The following LSG1 variants were observed in gnomAD, a reference collection of about 807,000 sequenced individuals.
The protein encoded by LSG1 is large 60S subunit nuclear export GTPase 1, also known as large subunit GTPase 1 homolog.
In LSG1, 55 loss-of-function variants were observed where a neutral mutation model predicts 82.6. That is an observed-to-expected ratio of 0.67 (90% CI 0.54 to 0.83). The LOEUF (loss-of-function observed/expected upper bound fraction) is 0.83. Among genes scored for constraint, LSG1 ranks in the 40% least tolerant of loss-of-function variants. The pLI is 0.00. For missense variants in LSG1, 809 were observed against 807.9 expected, an observed-to-expected ratio of 1.00 and a Z score of -0.02; for synonymous variants, 272 against 282.5, an observed-to-expected ratio of 0.96 and a Z score of 0.37.
At position 194,652,799 on chromosome 3, in the gene LSG1, T is replaced by C. The variant is rs1718703055; in HGVS notation, c.1103A>G (p.Glu368Gly). Residue 368 changes from glutamate (E) to glycine (G), a missense_variant, in exon 8 of 14, where the codon GAG becomes GGG. Transcript: ENST00000265245. The part of the protein sequence containing the change: ...HNFSHLVSKQ[E>G]LLELFKELHT... The stretch of plus-strand genomic sequence containing the variant: ...TAGCTCCTTAAAGAGCTCCAGTAAC[T>C]CCTGCTTGGATACCAGATGGCTAAA... 1.9e-6 allele frequency: 3 copies of C among 1,614,066 alleles called. No homozygotes were observed. Among genetic ancestry groups the C allele is most frequent in the African/African-American group, 1.3e-5 (1 of 74,918 alleles).
chr3:194,646,214 G>A lies in LSG1; in HGVS notation c.1573C>T (p.Gln525Ter). 1.9e-6 allele frequency: 3 copies of A among 1,614,078 alleles called. No individual in the cohort carries two copies. The highest frequency in any genetic ancestry group is 2.5e-6 in the Non-Finnish European group (3 of 1,179,974). Reference protein sequence around the residue: ...YMRGFMTAHGQPDQPRSARYI... With the variant: ...YMRGFMTAHG ...CGCGCAGATCGAGGCTGGTCTGGCT[G>A]TCCATGCGCTGTCATGAATCCTCGC... Residue 525 changes from glutamine to a stop codon, truncating the protein, a stop_gained, in exon 12 of 14, where the codon CAG becomes TAG. Coordinates refer to ENST00000265245, the MANE Select transcript of LSG1 (RefSeq NM_018385.3). LOFTEE classifies it high-confidence loss of function.
intron 7 of LSG1, 59 bp from the exon 8 acceptor site, chr3:194,653,201 A>G: frequency 1.3e-6 from 2 of 1,514,322 alleles, no homozygotes; most frequent in Non-Finnish European, 1.8e-6. Flanking sequence ...TCTAGTAAAA[A>G]TACTTAATGA....
rs771316080 is a variant in LSG1, at chr3:194,651,154, T to A, written c.1236A>T (p.Val412=). 1 of 1,614,086 alleles carries A rather than the reference T, an allele frequency of 6.2e-7. No homozygotes were observed. Among genetic ancestry groups the A allele is most frequent in the Admixed American group, 1.7e-5 (1 of 60,008 alleles). ...TINTIMGNKK[V]SVSATPGHTK... ...TGTGACCAGGTGTGGCAGACACAGATACTTTCTTGTTGCCCATGATGGTGT... is the reference window on the plus strand; with the variant it reads ...TGTGACCAGGTGTGGCAGACACAGAAACTTTCTTGTTGCCCATGATGGTGT... Residue 412 remains valine, a synonymous_variant, in exon 9 of 14, where the codon GTA becomes GTT. Coordinates refer to ENST00000265245, the MANE Select transcript of LSG1 (RefSeq NM_018385.3).
At chr3:194,654,656 G>T (rs1408537974) in intron 7 of LSG1, among the ~76,000 whole-genome samples, 1 of 152,158 alleles carries the variant, frequency 6.6e-6, no homozygotes, top group African/African-American at 2.4e-5. Context: ...AAATATGAAA[G>T]TAGCATAAAA....
intron 11 of LSG1, 65 bp downstream of exon 11, chr3:194,648,616 T>G (rs1442561163): frequency 2.0e-6 from 3 of 1,503,740 alleles, no homozygotes; most frequent in Non-Finnish European, 2.8e-6. Flanking sequence ...CTATTACTAT[T>G]CTTATTTCTA....
intron 2 of LSG1, among the ~76,000 whole-genome samples, chr3:194,668,340 T>C (rs995147703): frequency 3.3e-5 from 5 of 152,222 alleles, no homozygotes; most frequent in Non-Finnish European, 5.9e-5. Flanking sequence ...TTTTACCTTT[T>C]GAGGAACTGC....
intron 2 of LSG1, 28 bp from the exon 3 acceptor site, chr3:194,666,600 C>T (rs1488972810): frequency 6.3e-7 from 1 of 1,593,954 alleles, no homozygotes; most frequent in African/African-American, 1.4e-5. Context: ...AGTACTATTA[C>T]TTAAGAGGCA....
intron 8 of LSG1, 74 bp downstream of exon 8, chr3:194,652,655 G>C: frequency 6.6e-7 from 1 of 1,506,774 alleles, no homozygotes; most frequent in Non-Finnish European, 9.0e-7. Flanking sequence ...TGGTCTTTGG[G>C]GTCGTGCAGC....
At position 194,641,923 on chromosome 3, in the gene LSG1, TG is replaced by T; in HGVS notation, c.*144del. The T allele has an allele frequency of 1.2e-6, 1 of 801,884 alleles. No individual in the cohort carries two copies. The highest frequency in any genetic ancestry group is 1.9e-6 in the Non-Finnish European group (1 of 517,840). 49.7% of individuals were successfully genotyped at this position (801,884 alleles called of 1,614,324 possible). On this transcript the variant is annotated 3_prime_UTR_variant, in exon 14 of 14. Transcript: ENST00000265245. Reference sequence around the variant, plus strand: ...TTCCAGGAGGCCCTTGGTCTTGACATGGAGACTGTTGGGTGCAGCCGTGCTC... The same window carrying T: ...TTCCAGGAGGCCCTTGGTCTTGACATGAGACTGTTGGGTGCAGCCGTGCTC...
intron 7 of LSG1, among the ~76,000 whole-genome samples, chr3:194,657,180 C>T (rs900206248): frequency 2.5e-5 from 2 of 80,600 alleles, no homozygotes; most frequent in African/African-American, 9.2e-5. Context: ...AAAAAGGCAA[C>T]CTTAAAAAAA....
chr3:194,643,637 G>A (rs1285193321), intron 13 of LSG1, among the ~76,000 whole-genome samples: 1 of 152,162 alleles, frequency 6.6e-6, no homozygotes, highest in Non-Finnish European at 1.5e-5. Flanking sequence ...TGGAAAGTTT[G>A]GCAATACCTC....
chr3:194,641,834 C>G lies in LSG1; in HGVS notation c.*234G>C. Reference sequence around the variant, plus strand: ...TTTCTCCATGTTGGTGCGTGAGCCACTGTGCCCGGCCAGGAGTAGGATTCT... The same window carrying G: ...TTTCTCCATGTTGGTGCGTGAGCCAGTGTGCCCGGCCAGGAGTAGGATTCT... On this transcript the variant is annotated 3_prime_UTR_variant, in exon 14 of 14. Transcript: ENST00000265245. The G allele has an allele frequency of 2.5e-6, 1 of 405,420 alleles. No homozygotes were observed. Among genetic ancestry groups the G allele is most frequent in the Non-Finnish European group, 4.4e-6 (1 of 227,862 alleles). 25.1% of individuals were successfully genotyped at this position (405,420 alleles called of 1,614,324 possible). A position where few individuals can be genotyped will look rare whatever the true frequency, so the allele number is the denominator to read the frequency against.
At chr3:194,668,356 T>A (rs1485644347) in intron 2 of LSG1, among the ~76,000 whole-genome samples, 1 of 152,184 alleles carries the variant, frequency 6.6e-6, no homozygotes, top group Non-Finnish European at 1.5e-5. Context: ...ACTGCCAAAA[T>A]TTTTTTATAA....
intron 12 of LSG1, 126 bp from the exon 13 acceptor site, chr3:194,644,872 TTTTGG>T: frequency 1.5e-6 from 1 of 659,654 alleles, no homozygotes; most frequent in Non-Finnish European, 2.3e-6. Context: ...CTGAGTTGAG[TTTTGG>T]TCTACTGCAG....
intron 10 of LSG1, among the ~76,000 whole-genome samples, chr3:194,649,583 G>A (rs1249944434): frequency 2.0e-5 from 3 of 151,680 alleles, no homozygotes; most frequent in African/African-American, 7.3e-5. Context: ...CCAGCTACTC[G>A]GGAGGCTGAG....
Position 194,652,966 on chromosome 3 carries a change from C to T in LSG1, c.936G>A (p.Glu312=). ...EDDSEYEDCP[E]EEEDDWQTCS... ...ACGTCTGCCAGTCGTCTTCCTCCTC[C>T]TCTGGACAGTCCTCATACTCACTGT... is the stretch of plus-strand genomic sequence containing the variant. Residue 312 remains glutamate, a synonymous_variant, in exon 8 of 14, where the codon GAG becomes GAA. Coordinates refer to ENST00000265245, the MANE Select transcript of LSG1 (RefSeq NM_018385.3). The T allele has an allele frequency of 6.2e-7, 1 of 1,614,174 alleles. No individual in the cohort carries two copies. Among genetic ancestry groups the T allele is most frequent in the Non-Finnish European group, 8.5e-7 (1 of 1,180,032 alleles).
Position 194,653,090 on chromosome 3 carries a change from G to GA in LSG1, c.811dup (p.Ser271PhefsTer7), listed in dbSNP as rs1230054018. 2 of 1,614,172 alleles carry GA rather than the reference G, an allele frequency of 1.2e-6. No individual in the cohort carries two copies. Among genetic ancestry groups the GA allele is most frequent in the South Asian group, 2.2e-5 (2 of 91,080 alleles). On this transcript the variant is annotated frameshift_variant, in exon 8 of 14. Coordinates refer to ENST00000265245, the MANE Select transcript of LSG1 (RefSeq NM_018385.3). LOFTEE classifies it high-confidence loss of function. ...GGAAATTTCAGCCTGGTCGAAACTG[G>GA]AATGTCCAAACTTGGTTGTGTTGCT...
At chr3:194,664,874 C>T (rs1401572816) in intron 5 of LSG1, among the ~76,000 whole-genome samples, 7 of 152,070 alleles carry the variant, frequency 4.6e-5, no homozygotes, top group Non-Finnish European at 7.4e-5. Flanking sequence ...GAGCTGAGAT[C>T]GTGCCATTGC....
chr3:194,655,475 G>A (rs1718771931), intron 7 of LSG1, among the ~76,000 whole-genome samples: 1 of 152,036 alleles, frequency 6.6e-6, no homozygotes, highest in Non-Finnish European at 1.5e-5. Flanking sequence ...GTTTAACAGG[G>A]CAAACTATTC....
Sources: gnomAD v4.1 joint callset for allele counts (sites outside exome capture counted in the v4.1 genomes callset) on GRCh38, gnomAD v4.1.1 for gene constraint, MANE v1.5 for transcripts, NCBI Gene and HGNC (gene_info 2026-07-23, HGNC 2026-07-21) for gene names.